CELF4: variants seen among roughly 807,000 people sequenced by gnomAD.
The protein encoded by CELF4 is CUG-BP- and ETR-3-like factor 4.
A neutral mutation model predicts 59.9 loss-of-function variants in CELF4; 18 were observed. The observed-to-expected ratio is 0.30, with a 90% CI of 0.21 to 0.45. The LOEUF (loss-of-function observed/expected upper bound fraction) is 0.45, where lower values mean the gene tolerates loss of function less well. CELF4 is among the 20% of genes least tolerant of loss of function. CELF4 has a pLI of 1.00. For synonymous variants in CELF4, 261 were observed against 267.1 expected (o/e 0.98, Z 0.22); for missense variants, 456 against 689.0 (o/e 0.66, Z 3.79).
intron 2 of CELF4, among the ~76,000 whole-genome samples, chr18:37,384,530 C>G (rs2099078468): frequency 6.6e-6 from 1 of 151,928 alleles, no homozygotes; most frequent in South Asian, 2.1e-4. Flanking sequence ...CGAGACTCAG[C>G]AGGTTCAGAA....
At chr18:37,345,383 G>A (rs2098216384) in intron 2 of CELF4, among the ~76,000 whole-genome samples, 1 of 152,146 alleles carries the variant, frequency 6.6e-6, no homozygotes, top group South Asian at 2.1e-4. Flanking sequence ...CAGAACAGAG[G>A]GTAAGACCAG....
At chr18:37,361,959 G>A (rs552570992) in intron 2 of CELF4, among the ~76,000 whole-genome samples, 2 of 152,286 alleles carry the variant, frequency 1.3e-5, no homozygotes, top group South Asian at 2.1e-4. Flanking sequence ...CAGGGGCACT[G>A]AGGCCAGGCC....
rs756060425 is a variant in CELF4, at chr18:37,275,131, G to A, written c.561C>T (p.Pro187=). ...NIEECTILRG[P]DGNSKGCAFV... ...CCCGCGCACCCTTGCTGTTGCCGTC[G>A]GGCCCGCGCAGGATGGTGCACTCCT... is the stretch of plus-strand genomic sequence containing the variant. The change falls in exon 4 of 13, where the codon CCC becomes CCT. Residue 187 remains proline (P), a synonymous_variant. Transcript: ENST00000420428. 11 of 1,613,294 alleles carry A rather than the reference G, an allele frequency of 6.8e-6. No individual in the cohort carries two copies. The highest frequency in any genetic ancestry group is 5.5e-5 in the South Asian group (5 of 91,078).
chr18:37,521,129 C>T (rs1248185411), intron 1 of CELF4, among the ~76,000 whole-genome samples: 1 of 152,154 alleles, frequency 6.6e-6, no homozygotes, highest in African/African-American at 2.4e-5. Context: ...TTCAACCACA[C>T]CTGCCACCAA....
At chr18:37,458,497 T>A (rs547745553) in intron 2 of CELF4, among the ~76,000 whole-genome samples, 118 of 152,366 alleles carry the variant, frequency 7.7e-4, no homozygotes, top group Non-Finnish European at 1.5e-3. Context: ...TGGCATGGAA[T>A]GAGGTTCTTC....
chr18:37,313,900 G>A (rs930848729), intron 3 of CELF4, among the ~76,000 whole-genome samples: 4 of 152,188 alleles, frequency 2.6e-5, no homozygotes, highest in South Asian at 2.1e-4. Flanking sequence ...CTGGCCCAGC[G>A]GGACTCCGCT....
intron 3 of CELF4, among the ~76,000 whole-genome samples, chr18:37,308,748 C>T (rs750706460): frequency 5.7e-5 from 8 of 141,054 alleles, no homozygotes; most frequent in Non-Finnish European, 1.2e-4. Context: ...GTGTCTAGGA[C>T]GTTGGGATCA....
intron 2 of CELF4, among the ~76,000 whole-genome samples, chr18:37,442,591 G>A (rs995284055): frequency 1.3e-5 from 2 of 152,156 alleles, no homozygotes; most frequent in African/African-American, 2.4e-5. Flanking sequence ...ACAGCACAGC[G>A]AGCCCATGGG....
intron 1 of CELF4, among the ~76,000 whole-genome samples, chr18:37,509,439 C>G (rs2099941814): frequency 6.6e-6 from 1 of 152,238 alleles, no homozygotes; most frequent in Non-Finnish European, 1.5e-5. Flanking sequence ...AAGACTTGAT[C>G]TATCTGAACC....
chr18:37,253,152 G>A lies in CELF4; in HGVS notation c.*44+615C>T, dbSNP rs1389812363. On this transcript the variant is annotated intron_variant, in intron 12 of 12. Transcript: ENST00000420428. The surrounding 1 kb of genome is among the most constrained non-coding windows in gnomAD (Gnocchi z 4.5). ...AACGACCACTCATCATGACCCGTGT[G>A]GGGCAGGCAGGGCCCGGGATCTCAG... 1.3e-5 allele frequency among the ~76,000 whole-genome samples: 2 copies of A among 152,116 alleles called. No individual in the cohort carries two copies. Among genetic ancestry groups the A allele is most frequent in the East Asian group, 3.9e-4 (2 of 5,188 alleles).
At chr18:37,394,337 C>T (rs1330805360) in intron 2 of CELF4, among the ~76,000 whole-genome samples, 1 of 152,162 alleles carries the variant, frequency 6.6e-6, no homozygotes, top group African/African-American at 2.4e-5. Flanking sequence ...CCCTCCTGCT[C>T]GCGTGCAGCC....
intron 2 of CELF4, among the ~76,000 whole-genome samples, chr18:37,404,008 G>T (rs1300862692): frequency 1.3e-5 from 2 of 152,186 alleles, no homozygotes; most frequent in Non-Finnish European, 2.9e-5. Context: ...AGGCACTCAG[G>T]GTGCTTTACA....
intron 1 of CELF4, among the ~76,000 whole-genome samples, chr18:37,522,513 G>A (rs1180459281): frequency 6.6e-6 from 1 of 152,016 alleles, no homozygotes; most frequent in African/African-American, 2.4e-5. Flanking sequence ...CTGTGTGTGT[G>A]AGCGCGCACA....
intron 2 of CELF4, among the ~76,000 whole-genome samples, chr18:37,371,792 G>A (rs1328848527): frequency 6.6e-6 from 1 of 152,168 alleles, no homozygotes; most frequent in Non-Finnish European, 1.5e-5. Context: ...CCAGGCCCTG[G>A]GGATGGTATC....
At chr18:37,485,861 A>T (rs1168058693) in intron 1 of CELF4, 1 of 203,580 alleles carries the variant, frequency 4.9e-6, no homozygotes, top group African/African-American at 6.3e-5. Flanking sequence ...TCTTCCCCCC[A>T]CCACACCCCC....
chr18:37,458,643 T>C (rs540469840), intron 2 of CELF4, among the ~76,000 whole-genome samples: 1 of 152,312 alleles, frequency 6.6e-6, no homozygotes, highest in South Asian at 2.1e-4. Flanking sequence ...AGCTGTTTCT[T>C]GAAGGGCTCG....
chr18:37,557,656 G>A (rs1319767739), intron 1 of CELF4, among the ~76,000 whole-genome samples: 4 of 152,196 alleles, frequency 2.6e-5, no homozygotes, highest in Admixed American at 6.5e-5. Context: ...CAGTTTATGC[G>A]TTGTCCAGAG....
At chr18:37,507,954 T>C (rs1786810) in intron 1 of CELF4, among the ~76,000 whole-genome samples, 130,104 of 152,010 alleles carry the variant, frequency 0.86, 56,721 homozygotes, top group East Asian at 0.97. Context: ...TCATCCTCAC[T>C]TACCCCACAG....
intron 2 of CELF4, among the ~76,000 whole-genome samples, chr18:37,333,540 T>C (rs1310223627): frequency 6.6e-6 from 1 of 152,154 alleles, no homozygotes; most frequent in East Asian, 1.9e-4. Context: ...GATGTTGGAC[T>C]CTGTGGGGAA....
Sources: allele counts gnomAD v4.1 joint callset (sites outside exome capture counted in the v4.1 genomes callset), GRCh38; gene constraint gnomAD v4.1.1; non-coding constraint Gnocchi (gnomAD v3.1); transcripts MANE v1.5; gene names NCBI Gene and HGNC (gene_info 2026-07-23, HGNC 2026-07-21).